The following POLE variants were observed in gnomAD, a reference collection of about 807,000 sequenced individuals.
The protein encoded by POLE is DNA polymerase epsilon, catalytic subunit, also known as DNA polymerase epsilon catalytic subunit A.
A neutral mutation model predicts 279.2 loss-of-function variants in POLE; 188 were observed. The observed-to-expected ratio is 0.67, with a 90% confidence interval of 0.60 to 0.76. The LOEUF is 0.76. Among genes scored for constraint, POLE ranks in the 30% least tolerant of loss-of-function variants. The pLI is 0.00. For synonymous variants in POLE, 1,214 were observed against 1,172.5 expected, an observed-to-expected ratio of 1.04 and a Z score of -0.72; for missense variants, 2,703 against 3,016.7, an observed-to-expected ratio of 0.90 and a Z score of 2.44.
intron 33 of POLE, 46 bp downstream of exon 33, chr12:132,643,791 C>T (rs369941854): frequency 1.1e-4 from 172 of 1,598,426 alleles, no homozygotes; most frequent in Non-Finnish European, 1.4e-4. Flanking sequence ...CCATACCACC[C>T]TGCTGGAGCC....
At chr12:132,685,354 C>G (rs922688677) in intron 1 of POLE, among the ~76,000 whole-genome samples, 1 of 152,216 alleles carries the variant, frequency 6.6e-6, no homozygotes, top group Non-Finnish European at 1.5e-5. Flanking sequence ...TGACTGGTTA[C>G]TGTATCACAC....
rs2042003525 is a variant in POLE at position 132,634,848 on chromosome 12, G to T, written c.5812-470C>A. Among the ~76,000 whole-genome samples, 1 of 152,078 alleles carries T rather than the reference G, an allele frequency of 6.6e-6. No individual in the cohort carries two copies. Among genetic ancestry groups the T allele is most frequent in the Non-Finnish European group, 1.5e-5 (1 of 68,024 alleles). On this transcript the variant is annotated intron_variant, in intron 42 of 48. Transcript: ENST00000320574. The surrounding 1 kb of genome is among the most constrained non-coding windows in gnomAD (Gnocchi z 4.0). The stretch of plus-strand genomic sequence containing the variant: ...CTGCCACCTGCCCTGACCACACGCT[G>T]ATCCCCTCCTCAGAGCGGTCTACAC...
At chr12:132,663,950 A>T in intron 23 of POLE, 54 bp downstream of exon 23, 1 of 1,601,898 alleles carries the variant, frequency 6.2e-7, no homozygotes, top group Non-Finnish European at 8.5e-7. Flanking sequence ...CAGTGACATC[A>T]GGGCACTGAC....
chr12:132,650,010 A>G lies in POLE; in HGVS notation c.3583-121T>C, dbSNP rs1762036242. On this transcript the variant is annotated intron_variant, in intron 29 of 48. Transcript: ENST00000320574. ...AGAATTGCTTGGGGCCAGGAGTTTG[A>G]GACCAGCCTGGGTAACAGCAAGACC... is the stretch of plus-strand genomic sequence containing the variant. 5.1e-6 allele frequency: 4 copies of G among 787,206 alleles called. No homozygotes were observed. The South Asian group carries it at 6.9e-5, about 14-fold the overall frequency. 48.8% of individuals were successfully genotyped at this position (787,206 alleles called of 1,614,324 possible).
chr12:132,623,763 A>G lies in POLE; in HGVS notation c.*934T>C, dbSNP rs143493422. The G allele has an allele frequency of 5.5e-6, 1 of 181,050 alleles. No homozygotes were observed. Among genetic ancestry groups the G allele is most frequent in the Non-Finnish European group, 1.2e-5 (1 of 84,702 alleles). The allele number at this position is 181,050 out of a possible 1,614,324, so 11.2% of individuals were successfully genotyped here. A position where few individuals can be genotyped will look rare whatever the true frequency, so the allele number is the denominator to read the frequency against. ...ACAAATACACAGTGACAACCTAGAG[A>G]AACTTCAGTATGAAATACAAATAAA... On this transcript the variant is annotated 3_prime_UTR_variant, in exon 49 of 49. Transcript: ENST00000320574.
chr12:132,666,048 C>T (rs529263616), intron 20 of POLE, among the ~76,000 whole-genome samples: 1 of 152,250 alleles, frequency 6.6e-6, no homozygotes, highest in Admixed American at 6.5e-5. Flanking sequence ...GTAGAATTAG[C>T]ATATGACCCA....
Position 132,624,142 on chromosome 12 carries a change from C to T in POLE, c.*555G>A, listed in dbSNP as rs1282119113. 1.4e-5 allele frequency: 3 copies of T among 214,156 alleles called. No individual in the cohort carries two copies. Among genetic ancestry groups the T allele is most frequent in the South Asian group, 1.8e-4 (1 of 5,540 alleles). 13.3% of individuals were successfully genotyped at this position (214,156 alleles called of 1,614,324 possible). A position where few individuals can be genotyped will look rare whatever the true frequency, so the allele number is the denominator to read the frequency against. On this transcript the variant is annotated 3_prime_UTR_variant, in exon 49 of 49. Transcript: ENST00000320574. ...TCACAAGCCAAAATCCAGATTCTCA[C>T]GGGTTAGGGTCTGGATTCCTGGGGA... is the stretch of plus-strand genomic sequence containing the variant.
chr12:132,663,278 C>T (rs1263579255), intron 23 of POLE, among the ~76,000 whole-genome samples: 1 of 152,228 alleles, frequency 6.6e-6, no homozygotes, highest in Non-Finnish European at 1.5e-5. Context: ...ACAGGAGCGC[C>T]ACAGTAAGGC....
At position 132,643,452 on chromosome 12, in the gene POLE, G is replaced by T. The variant is rs753417741; in HGVS notation, c.4399C>A (p.His1467Asn). The T allele has an allele frequency of 3.7e-6, 6 of 1,614,118 alleles. No homozygotes were observed. Among genetic ancestry groups the T allele is most frequent in the Non-Finnish European group, 5.1e-6 (6 of 1,180,056 alleles). Residue 1467 changes from histidine to asparagine, a missense_variant, in exon 34 of 49, where the codon CAC becomes AAC. Coordinates refer to ENST00000320574, the MANE Select transcript of POLE (RefSeq NM_006231.4). The stretch of plus-strand genomic sequence containing the variant: ...TGGGCCAGAGAGCGCATCTCCAGGT[G>T]CTCAAGAGCAAAGGTCTCTGCTTCC... Reference protein sequence around the residue: ...GWEAETFALEHLEMRSLAQFS... With the variant: ...GWEAETFALENLEMRSLAQFS...
intron 47 of POLE, 145 bp downstream of exon 47, chr12:132,625,500 C>T: frequency 9.9e-7 from 1 of 1,012,786 alleles, no homozygotes; most frequent in Non-Finnish European, 1.5e-6. Flanking sequence ...CCATCAGGCT[C>T]AGGGCATGGA....
rs560717886 is a variant in POLE at position 132,664,856 on chromosome 12, GC to G, written c.2469-395del. Reference sequence around the variant, plus strand: ...AGCTGCCAGGCCCAACCCTCCTCCAGCCTGGGTCCCAGCCCTGCTGTCAGCT... The same window carrying G: ...AGCTGCCAGGCCCAACCCTCCTCCAGCTGGGTCCCAGCCCTGCTGTCAGCT... On this transcript the variant is annotated intron_variant, in intron 21 of 48. Transcript: ENST00000320574. This position sits in a 1 kb window ranked among gnomAD's most constrained non-coding sequence, Gnocchi z 5.3. 7.2e-5 allele frequency among the ~76,000 whole-genome samples: 11 copies of G among 151,972 alleles called. No individual in the cohort carries two copies. Among genetic ancestry groups the G allele is most frequent in the African/African-American group, 2.2e-4 (9 of 41,444 alleles).
chr12:132,679,819 G>A, intron 5 of POLE, 135 bp downstream of exon 5: 4 of 986,914 alleles, frequency 4.1e-6, no homozygotes, highest in Non-Finnish European at 6.1e-6. Flanking sequence ...TCTTTGGAAG[G>A]AATTTTATAG....
chr12:132,628,249 G>A (rs927188624), intron 45 of POLE, among the ~76,000 whole-genome samples: 13 of 152,208 alleles, frequency 8.5e-5, no homozygotes, highest in African/African-American at 3.1e-4. Flanking sequence ...GGCTGAGGCA[G>A]GAGAATGGCG....
rs1440079337 is a variant in POLE, at chr12:132,634,618, C to T, written c.5812-240G>A. 6.6e-6 allele frequency among the ~76,000 whole-genome samples: 1 copy of T among 152,182 alleles called. No homozygotes were observed. The highest frequency in any genetic ancestry group is 1.5e-5 in the Non-Finnish European group (1 of 68,034). Reference sequence around the variant, plus strand: ...GCTCGTGACCTGGGACTGTGAGCTTCACTCTGCTCTTCCAGAGTTCACTTT... The same window carrying T: ...GCTCGTGACCTGGGACTGTGAGCTTTACTCTGCTCTTCCAGAGTTCACTTT... On this transcript the variant is annotated intron_variant, in intron 42 of 48. Transcript: ENST00000320574. The surrounding 1 kb of genome is among the most constrained non-coding windows in gnomAD (Gnocchi z 4.0).
At position 132,657,371 on chromosome 12, in the gene POLE, G is replaced by C. The variant is rs1555225192; in HGVS notation, c.3437C>G (p.Thr1146Ser). 6.2e-7 allele frequency: 1 copy of C among 1,614,124 alleles called. No individual in the cohort carries two copies. The highest frequency in any genetic ancestry group is 8.5e-7 in the Non-Finnish European group (1 of 1,180,026). ...RLGSAIQKIITIPAALQQVKN... is the reference protein window; with the variant it reads ...RLGSAIQKIISIPAALQQVKN... ...TACCTGCTGCAGGGCCGCAGGGATGGTGATGATCTTCTGGATGGCGCTTCC... is the reference window on the plus strand; with the variant it reads ...TACCTGCTGCAGGGCCGCAGGGATGCTGATGATCTTCTGGATGGCGCTTCC... The change falls in exon 28 of 49, where the codon ACC becomes AGC. Residue 1146 changes from threonine (T) to serine (S), a missense_variant. Thr to Ser is a moderately conservative substitution (Grantham distance 58). Transcript: ENST00000320574.
chr12:132,673,116 G>C, intron 14 of POLE, 48 bp downstream of exon 14: 3 of 1,225,120 alleles, frequency 2.4e-6, no homozygotes, highest in Non-Finnish European at 3.6e-6. Flanking sequence ...TTTGGAATGG[G>C]GCAAGGGCTG....
Position 132,657,803 on chromosome 12 carries a change from CAT to C in POLE, c.3378+63_3378+64del, listed in dbSNP as rs5744884. 0.47 allele frequency: 521,837 copies of C among 1,114,440 alleles called. 125,747 individuals are homozygous for C. The highest frequency in any genetic ancestry group is 0.69 in the East Asian group (29,369 of 42,292). The allele number at this position is 1,114,440 out of a possible 1,614,324, so 69.0% of individuals were successfully genotyped here. On this transcript the variant is annotated intron_variant, in intron 27 of 48. Transcript: ENST00000320574. ...GACAAAAAACATAATCCAACTCAGA[CAT>C]ATTCTGCTCTGTCTAGCTTTCCTTG... is the stretch of plus-strand genomic sequence containing the variant.
chr12:132,649,274 C>A (rs986014790), intron 31 of POLE, 32 bp downstream of exon 31: 5 of 1,600,570 alleles, frequency 3.1e-6, no homozygotes, highest in African/African-American at 1.3e-5. Context: ...ATCAGCAGAG[C>A]CACTGCCCTC....
chr12:132,669,025 AG>A, intron 16 of POLE, 86 bp from the exon 17 acceptor site: 1 of 1,353,378 alleles, frequency 7.4e-7, no homozygotes. Flanking sequence ...CATTCAGGAG[AG>A]GAAAAAGCTG....
Sources: allele counts gnomAD v4.1 joint callset (sites outside exome capture counted in the v4.1 genomes callset), GRCh38; gene constraint gnomAD v4.1.1; non-coding constraint Gnocchi (gnomAD v3.1); transcripts MANE v1.5; gene names NCBI Gene and HGNC (gene_info 2026-07-23, HGNC 2026-07-21).